CAMK4: variants seen among roughly 807,000 people sequenced by gnomAD.
CAMK4 encodes the protein calcium/calmodulin-dependent protein kinase type IV.
A neutral mutation model predicts 44.9 loss-of-function variants in CAMK4; 22 were observed. The ratio of observed to expected loss-of-function variants is 0.49; its 90% CI spans 0.35 to 0.70. The LOEUF is 0.70. Among genes scored for constraint, CAMK4 ranks in the 30% least tolerant of loss-of-function variants. The pLI is 0.01. For synonymous variants in CAMK4, 218 were observed against 215.4 expected, an observed-to-expected ratio of 1.01 and a Z score of -0.11; for missense variants, 498 against 586.8, an observed-to-expected ratio of 0.85 and a Z score of 1.56.
intron 5 of CAMK4, among the ~76,000 whole-genome samples, chr5:111,429,777 CAAAAAAAAAAAAAAA>C (rs70973607): frequency 1.3e-3 from 35 of 26,340 alleles, no homozygotes; most frequent in Non-Finnish European, 1.7e-3. Flanking sequence ...GACCTCATCT[CAAAAAAAAAAAAAAA>C]AAAAAAAAAA....
At chr5:111,451,697 A>T (rs1754242628) in intron 7 of CAMK4, among the ~76,000 whole-genome samples, 1 of 152,158 alleles carries the variant, frequency 6.6e-6, no homozygotes, top group African/African-American at 2.4e-5. Flanking sequence ...TGAGGGTCAG[A>T]ATTCAAGACG....
chr5:111,398,829 C>T (rs1159608711), intron 5 of CAMK4, among the ~76,000 whole-genome samples: 1 of 152,104 alleles, frequency 6.6e-6, no homozygotes, highest in African/African-American at 2.4e-5. Flanking sequence ...ACCTAGAATT[C>T]ACCTCACGTC....
intron 2 of CAMK4, 26 bp from the exon 3 acceptor site, chr5:111,374,824 T>C (rs369612628): frequency 1.6e-4 from 243 of 1,492,996 alleles, no homozygotes; most frequent in Non-Finnish European, 2.1e-4. Context: ...TTTCTTTCAG[T>C]TTATCTCTTT....
intron 2 of CAMK4, among the ~76,000 whole-genome samples, chr5:111,352,411 ATATTT>A (rs1277389530): frequency 6.6e-6 from 1 of 152,084 alleles, no homozygotes; most frequent in Non-Finnish European, 1.5e-5. Flanking sequence ...CATTAAAATG[ATATTT>A]TATAGCCATT....
rs200566906 is a variant in CAMK4, at chr5:111,460,265, C to CTTTTTTTTT, written c.625+11067_625+11068insTTTTTTTTT. Among the ~76,000 whole-genome samples the CTTTTTTTTT allele has an allele frequency of 1.1e-4, 14 of 122,710 alleles. 2 individuals are homozygous for CTTTTTTTTT. The highest frequency in any genetic ancestry group is 1.5e-4 in the African/African-American group (5 of 32,460). 80.5% of individuals were successfully genotyped at this position (122,710 alleles called of 152,430 possible). A position where few individuals can be genotyped will look rare whatever the true frequency, so the allele number is the denominator to read the frequency against. ...TAATGTTTTTCTTTTCTTTTCTTTT[C>CTTTTTTTTT]TTTTTCTTTTTTTTTTTTTTGAGGC... On this transcript the variant is annotated intron_variant, in intron 7 of 10. Transcript: ENST00000282356.
chr5:111,470,096 C>G (rs1382444997), intron 7 of CAMK4, among the ~76,000 whole-genome samples: 3 of 152,188 alleles, frequency 2.0e-5, no homozygotes, highest in Non-Finnish European at 4.4e-5. Flanking sequence ...GGAACATCTC[C>G]TAGAGACAAA....
At chr5:111,430,942 GA>G (rs1217119521) in intron 5 of CAMK4, among the ~76,000 whole-genome samples, 1 of 151,728 alleles carries the variant, frequency 6.6e-6, no homozygotes, top group East Asian at 1.9e-4. Context: ...TACAAAAATA[GA>G]AAAAAACACT....
chr5:111,354,635 G>A (rs893387892), intron 2 of CAMK4, among the ~76,000 whole-genome samples: 27 of 152,148 alleles, frequency 1.8e-4, no homozygotes, highest in African/African-American at 6.5e-4. Context: ...CTTGAACCCG[G>A]GAGATGGAGG....
Position 111,392,556 on chromosome 5 carries a change from T to C in CAMK4, c.387-2154T>C, listed in dbSNP as rs541112983. Among the ~76,000 whole-genome samples, 4 of 151,524 alleles carry C rather than the reference T, an allele frequency of 2.6e-5. No homozygotes were observed. The South Asian group carries it at 6.3e-4, about 24-fold the overall frequency. On this transcript the variant is annotated intron_variant, in intron 4 of 10. Coordinates refer to ENST00000282356, the MANE Select transcript of CAMK4 (RefSeq NM_001744.6). Reference sequence around the variant, plus strand: ...AAAGAAGAAACTAATGTTAAAAACATGAAAACATAAATACAAACACTCCTA... The same window carrying C: ...AAAGAAGAAACTAATGTTAAAAACACGAAAACATAAATACAAACACTCCTA...
chr5:111,327,342 C>T (rs547219102), intron 1 of CAMK4, among the ~76,000 whole-genome samples: 2 of 151,032 alleles, frequency 1.3e-5, no homozygotes, highest in South Asian at 4.2e-4. Context: ...ATGAACTCAT[C>T]ATTTTTTATG....
In CAMK4 at chr5:111,442,688, G is replaced by A. The variant is rs1411063768; in HGVS notation, c.460-3998G>A. On this transcript the variant is annotated intron_variant, in intron 5 of 10. Transcript: ENST00000282356. ...TGAAATTTACAAAACTGAAAGACTA[G>A]CACTCTACTAATTTTTTGTTTTAGA... Among the ~76,000 whole-genome samples, 4 of 149,118 alleles carry A rather than the reference G, an allele frequency of 2.7e-5. No individual in the cohort carries two copies. The East Asian group carries it at 5.8e-4, about 22-fold the overall frequency.
intron 2 of CAMK4, among the ~76,000 whole-genome samples, chr5:111,370,621 A>AT (rs1385050047): frequency 1.3e-5 from 2 of 152,152 alleles, no homozygotes; most frequent in African/African-American, 4.8e-5. Context: ...TTTATTTGAT[A>AT]TTAGCAAGGA....
intron 1 of CAMK4, among the ~76,000 whole-genome samples, chr5:111,247,552 C>T (rs912533461): frequency 6.7e-6 from 1 of 149,792 alleles, no homozygotes; most frequent in African/African-American, 2.4e-5. Flanking sequence ...TTATTTTTTT[C>T]AAGGAATTGG....
At chr5:111,341,192 C>T (rs954635894) in intron 1 of CAMK4, among the ~76,000 whole-genome samples, 3 of 151,342 alleles carry the variant, frequency 2.0e-5, no homozygotes, top group African/African-American at 7.2e-5. Flanking sequence ...AAAGAGCAGA[C>T]ATTCTTAAGT....
chr5:111,386,371 A>G lies in CAMK4; in HGVS notation c.387-8339A>G, dbSNP rs1347267503. ...CTTCAGTACACATTCTCATCAGACC[A>G]TTATCTTTCTCACATAAACCTAGTC... On this transcript the variant is annotated intron_variant, in intron 4 of 10. Coordinates refer to ENST00000282356, the MANE Select transcript of CAMK4 (RefSeq NM_001744.6). Among the ~76,000 whole-genome samples, 3 of 152,200 alleles carry G rather than the reference A, an allele frequency of 2.0e-5. No homozygotes were observed. The East Asian group carries it at 5.8e-4, about 29-fold the overall frequency.
intron 2 of CAMK4, among the ~76,000 whole-genome samples, chr5:111,355,825 C>A (rs1315490404): frequency 1.3e-5 from 2 of 148,350 alleles, no homozygotes; most frequent in Non-Finnish European, 3.0e-5. Context: ...CTACAAAGGA[C>A]ATGAACTCAT....
At position 111,441,735 on chromosome 5, in the gene CAMK4, T is replaced by C. The variant is rs114178419; in HGVS notation, c.460-4951T>C. ...ACCCAGTTACCATGTTTTTATTCTT[T>C]CTAGTGCATTTATCTATTTATGTTA... is the stretch of plus-strand genomic sequence containing the variant. On this transcript the variant is annotated intron_variant, in intron 5 of 10. Coordinates refer to ENST00000282356, the MANE Select transcript of CAMK4 (RefSeq NM_001744.6). Among the ~76,000 whole-genome samples, 869 of 152,344 alleles carry C rather than the reference T, an allele frequency of 5.7e-3. 6 individuals are homozygous for C. The highest frequency in any genetic ancestry group is 9.6e-3 in the Non-Finnish European group (653 of 68,022).
rs146703668 is a variant in CAMK4, at chr5:111,240,731, GGATTACAAAT to G, written c.161+16092_161+16101del. ...GGAAGGCCTCTCGGTAAAGGAGGAG[GGATTACAAAT>G]GATTGGATATCACAGCCTTTCAAGT... is the stretch of plus-strand genomic sequence containing the variant. On this transcript the variant is annotated intron_variant, in intron 1 of 10. Transcript: ENST00000282356. Among the ~76,000 whole-genome samples the G allele has an allele frequency of 3.3e-4, 50 of 152,168 alleles. No individual in the cohort carries two copies. The East Asian group carries it at 9.5e-3, about 29-fold the overall frequency.
intron 1 of CAMK4, among the ~76,000 whole-genome samples, chr5:111,310,952 C>A (rs955644744): frequency 2.0e-5 from 3 of 151,968 alleles, no homozygotes; most frequent in Non-Finnish European, 4.4e-5. Context: ...CATAACAGAT[C>A]TCACACATAT....
Sources: allele counts gnomAD v4.1 joint callset (sites outside exome capture counted in the v4.1 genomes callset), GRCh38; gene constraint gnomAD v4.1.1; transcripts MANE v1.5; gene names NCBI Gene and HGNC (gene_info 2026-07-23, HGNC 2026-07-21).